The following MGAT4C variants were observed in gnomAD, a reference collection of about 807,000 sequenced individuals.
MGAT4C encodes the protein alpha-1,3-mannosyl-glycoprotein 4-beta-N-acetylglucosaminyltransferase C.
In MGAT4C, 19 loss-of-function variants were observed where a neutral mutation model predicts 40.1. The observed-to-expected ratio is 0.47, with a 90% CI of 0.33 to 0.70. The LOEUF is 0.70. MGAT4C is among the 30% of genes least tolerant of loss of function. MGAT4C has a pLI of 0.02. For synonymous variants in MGAT4C, 181 were observed against 187.1 expected, an observed-to-expected ratio of 0.97 and a Z score of 0.27; for missense variants, 491 against 563.2, an observed-to-expected ratio of 0.87 and a Z score of 1.30.
chr12:86,433,678 T>C lies in MGAT4C; in HGVS notation c.-120+1479A>G, dbSNP rs550869050. On this transcript the variant is annotated intron_variant, in intron 3 of 7. Transcript: ENST00000548651. ...AATATTTCAAATGGGTTGAATTGAA[T>C]GCATGCATAATTTAAATGAGGGCAG... is the stretch of plus-strand genomic sequence containing the variant. Among the ~76,000 whole-genome samples, 15 of 152,080 alleles carry C rather than the reference T, an allele frequency of 9.9e-5. No individual in the cohort carries two copies. In the South Asian group the frequency reaches 2.9e-3, roughly 29 times the overall value.
At chr12:86,110,748 T>G (rs1877229054) in intron 1 of MGAT4C, among the ~76,000 whole-genome samples, 1 of 151,732 alleles carries the variant, frequency 6.6e-6, no homozygotes, top group Admixed American at 6.6e-5. Context: ...AAGCTTTGTT[T>G]ATAGGATTTA....
chr12:85,981,490 C>T (rs534809095), intron 4 of MGAT4C, among the ~76,000 whole-genome samples: 13 of 152,196 alleles, frequency 8.5e-5, no homozygotes, highest in South Asian at 6.2e-4. Context: ...TTACACATTT[C>T]GTTTAAATAC....
At chr12:86,470,329 T>A (rs73189394) in intron 2 of MGAT4C, among the ~76,000 whole-genome samples, 1 of 152,052 alleles carries the variant, frequency 6.6e-6, no homozygotes, top group African/African-American at 2.4e-5. Flanking sequence ...CTTCCCTTTT[T>A]TTACTTATCT....
chr12:86,543,628 A>C (rs1327449780), intron 2 of MGAT4C, among the ~76,000 whole-genome samples: 2 of 152,176 alleles, frequency 1.3e-5, no homozygotes, highest in Non-Finnish European at 2.9e-5. Context: ...TTCAGAATAG[A>C]AAACTTTCAG....
chr12:86,172,799 T>C (rs968016036), intron 1 of MGAT4C, among the ~76,000 whole-genome samples: 1 of 152,102 alleles, frequency 6.6e-6, no homozygotes, highest in Non-Finnish European at 1.5e-5. Flanking sequence ...AAAAATGAGA[T>C]CACTTCTAAT....
chr12:86,576,930 G>A (rs1001004101), intron 2 of MGAT4C, among the ~76,000 whole-genome samples: 1 of 151,728 alleles, frequency 6.6e-6, no homozygotes, highest in East Asian at 1.9e-4. Flanking sequence ...ACATTGTAAC[G>A]ATATTGATTC....
chr12:86,585,519 T>C (rs1266369000), intron 2 of MGAT4C, among the ~76,000 whole-genome samples: 1 of 151,398 alleles, frequency 6.6e-6, no homozygotes, highest in Admixed American at 6.6e-5. Context: ...CTATTTGCAA[T>C]GGGAAAATGT....
At chr12:86,092,167 T>A (rs1873000235) in intron 1 of MGAT4C, among the ~76,000 whole-genome samples, 1 of 152,086 alleles carries the variant, frequency 6.6e-6, no homozygotes, top group Admixed American at 6.6e-5. Context: ...CACAGCTACC[T>A]CATGCTCAAA....
intron 3 of MGAT4C, among the ~76,000 whole-genome samples, chr12:86,368,479 AGTTT>A (rs1007429913): frequency 6.9e-6 from 1 of 145,544 alleles, no homozygotes; most frequent in African/African-American, 2.6e-5. Context: ...CTATAATTTT[AGTTT>A]GTTTATTTGA....
At position 85,983,517 on chromosome 12, in the gene MGAT4C, A is replaced by G; in HGVS notation, c.295+6T>C. 6.5e-7 allele frequency: 1 copy of G among 1,542,438 alleles called. No homozygotes were observed. Among genetic ancestry groups the G allele is most frequent in the East Asian group, 2.4e-5 (1 of 42,536 alleles). ...ATTCTTTATTTAAATGTTTAAGGAT[A>G]CTTACGCTTTCTTTGTAAAGGTGTG... On this transcript the variant is annotated splice_donor_region_variant and intron_variant, in intron 4 of 4. Coordinates refer to ENST00000611864, the MANE Select transcript of MGAT4C (RefSeq NM_001351288.2).
chr12:86,160,827 G>A (rs1478327697), intron 1 of MGAT4C, among the ~76,000 whole-genome samples: 1 of 152,018 alleles, frequency 6.6e-6, no homozygotes, highest in Non-Finnish European at 1.5e-5. Context: ...ATCAAGCAAT[G>A]TTCTTCATTG....
Position 86,178,365 on chromosome 12 carries a change from G to A in MGAT4C, c.-57+77874C>T, listed in dbSNP as rs17285526. Among the ~76,000 whole-genome samples the A allele has an allele frequency of 6.4e-3, 975 of 152,306 alleles. 6 individuals are homozygous for A. The highest frequency in any genetic ancestry group is 0.014 in the Middle Eastern group (4 of 294). On this transcript the variant is annotated intron_variant, in intron 1 of 4. Transcript: ENST00000611864. ...ATAATTTGCATAGAGCATATTGGCT[G>A]GGTGCAGCATTTGTAATCTCTATGT...
At chr12:86,368,477 TTA>T (rs1420250882) in intron 3 of MGAT4C, among the ~76,000 whole-genome samples, 8 of 152,092 alleles carry the variant, frequency 5.3e-5, no homozygotes, top group Non-Finnish European at 1.2e-4. Flanking sequence ...TGCTATAATT[TTA>T]GTTTGTTTAT....
intron 1 of MGAT4C, among the ~76,000 whole-genome samples, chr12:86,107,069 T>C (rs746460333): frequency 5.3e-5 from 8 of 152,154 alleles, no homozygotes; most frequent in Non-Finnish European, 8.8e-5. Context: ...TGTTTTTCTT[T>C]AGTAAAATGA....
chr12:86,193,281 T>G (rs1417566545), intron 1 of MGAT4C, among the ~76,000 whole-genome samples: 1 of 151,946 alleles, frequency 6.6e-6, no homozygotes, highest in African/African-American at 2.4e-5. Context: ...AGCCTAAAAA[T>G]TACAGCATGC....
chr12:86,379,330 C>T (rs1309607272), intron 3 of MGAT4C, among the ~76,000 whole-genome samples: 2 of 152,054 alleles, frequency 1.3e-5, no homozygotes, highest in Non-Finnish European at 2.9e-5. Context: ...TTTTAATCAT[C>T]GTTTTGCTGC....
At chr12:86,799,686 G>C (rs578043346) in intron 1 of MGAT4C, among the ~76,000 whole-genome samples, 1 of 151,840 alleles carries the variant, frequency 6.6e-6, no homozygotes, top group Admixed American at 6.6e-5. Context: ...ATGTAGATAC[G>C]TGATTGTTAA....
intron 2 of MGAT4C, among the ~76,000 whole-genome samples, chr12:86,007,521 G>A (rs1442277750): frequency 6.6e-6 from 1 of 151,952 alleles, no homozygotes; most frequent in African/African-American, 2.4e-5. Context: ...TAATGAATGT[G>A]CCATTTAAAC....
intron 2 of MGAT4C, among the ~76,000 whole-genome samples, chr12:86,703,939 A>G (rs961492829): frequency 9.9e-5 from 15 of 152,178 alleles, no homozygotes; most frequent in African/African-American, 3.6e-4. Flanking sequence ...GAAGCTCCAG[A>G]AGCAACAGTC....
Sources: allele counts gnomAD v4.1 joint callset (sites outside exome capture counted in the v4.1 genomes callset), GRCh38; gene constraint gnomAD v4.1.1; transcripts MANE v1.5; gene names NCBI Gene and HGNC (gene_info 2026-07-23, HGNC 2026-07-21).